The following DAAM1 variants were observed in gnomAD, a reference collection of about 807,000 sequenced individuals.
DAAM1 encodes the protein disheveled-associated activator of morphogenesis 1.
A neutral mutation model predicts 130.0 loss-of-function variants in DAAM1; 52 were observed. That is an observed-to-expected ratio of 0.40 (90% CI 0.32 to 0.50). The LOEUF (loss-of-function observed/expected upper bound fraction) is 0.50. Among genes scored for constraint, DAAM1 ranks in the 20% least tolerant of loss-of-function variants. The pLI is 0.61. For synonymous variants in DAAM1, 452 were observed against 444.5 expected, an observed-to-expected ratio of 1.02 and a Z score of -0.21; for missense variants, 1,134 against 1,303.8, an observed-to-expected ratio of 0.87 and a Z score of 2.01.
At chr14:59,338,445 A>G (rs1326377902) in intron 15 of DAAM1, 2 of 1,611,250 alleles carry the variant, frequency 1.2e-6, no homozygotes, top group Non-Finnish European at 1.7e-6. Context: ...AGCTTGCTTA[A>G]TATAACTCCT....
At chr14:59,239,097 T>G (rs537840583) in intron 1 of DAAM1, among the ~76,000 whole-genome samples, 1 of 152,310 alleles carries the variant, frequency 6.6e-6, no homozygotes, top group South Asian at 2.1e-4. Context: ...TGCCTGTGCC[T>G]CTCTCTTTTT....
intron 3 of DAAM1, among the ~76,000 whole-genome samples, chr14:59,313,284 T>C (rs1171375453): frequency 6.6e-6 from 1 of 152,216 alleles, no homozygotes; most frequent in African/African-American, 2.4e-5. Context: ...AATTAAGAAC[T>C]CTGAGGATCA....
chr14:59,214,605 T>G (rs574785763), intron 1 of DAAM1, among the ~76,000 whole-genome samples: 6 of 152,362 alleles, frequency 3.9e-5, no homozygotes, highest in African/African-American at 1.2e-4. Flanking sequence ...ATGTAATATG[T>G]GGTCTTTTTT....
chr14:59,326,910 A>G (rs1885224233), intron 11 of DAAM1, 23 bp from the exon 12 acceptor site: 4 of 1,613,006 alleles, frequency 2.5e-6, no homozygotes, highest in Non-Finnish European at 3.4e-6. Context: ...TTTGTAATAA[A>G]TGCTCCTTGA....
At chr14:59,210,159 A>G (rs1888384775) in intron 1 of DAAM1, among the ~76,000 whole-genome samples, 1 of 152,092 alleles carries the variant, frequency 6.6e-6, no homozygotes, top group Non-Finnish European at 1.5e-5. Flanking sequence ...AACAAACAAA[A>G]AAACCAACCA....
At chr14:59,251,774 A>ACATCCATT (rs1164792642) in intron 1 of DAAM1, among the ~76,000 whole-genome samples, 3 of 152,134 alleles carry the variant, frequency 2.0e-5, no homozygotes, top group African/African-American at 7.2e-5. Flanking sequence ...CCTCTTTTGA[A>ACATCCATT]CATCCATTAT....
chr14:59,367,158 T>G (rs546421317), intron 23 of DAAM1, among the ~76,000 whole-genome samples: 68 of 152,110 alleles, frequency 4.5e-4, no homozygotes, highest in Non-Finnish European at 8.2e-4. Context: ...CATGGTGGTT[T>G]GTGCCTGTAA....
At chr14:59,309,188 A>G (rs767957847) in intron 3 of DAAM1, among the ~76,000 whole-genome samples, 94 of 152,178 alleles carry the variant, frequency 6.2e-4, no homozygotes, top group Non-Finnish European at 1.3e-3. Flanking sequence ...TTTGCCCCCA[A>G]AAAGGAAGAG....
chr14:59,333,255 T>C (rs752833702), intron 15 of DAAM1, among the ~76,000 whole-genome samples: 4 of 152,086 alleles, frequency 2.6e-5, no homozygotes, highest in South Asian at 2.1e-4. Context: ...CATAGTGACA[T>C]GAACCCTTAA....
At chr14:59,345,210 T>G (rs1394846220) in intron 16 of DAAM1, among the ~76,000 whole-genome samples, 1 of 152,186 alleles carries the variant, frequency 6.6e-6, no homozygotes, top group Admixed American at 6.5e-5. Flanking sequence ...TTAGCTAAAT[T>G]GTTCCATTTA....
Position 59,320,594 on chromosome 14 carries a change from C to G in DAAM1, c.440+10C>G. 1 of 1,526,438 alleles carries G rather than the reference C, an allele frequency of 6.6e-7. No individual in the cohort carries two copies. The highest frequency in any genetic ancestry group is 2.4e-5 in the East Asian group (1 of 41,896). 94.6% of individuals were successfully genotyped at this position (1,526,438 alleles called of 1,614,324 possible). The stretch of plus-strand genomic sequence containing the variant: ...GGACAAAACCAATGAGGTAATTTTC[C>G]CCTGGATGGCATGTTTTTTTTTTTT... On this transcript the variant is annotated intron_variant, in intron 5 of 24. Transcript: ENST00000360909.
intron 24 of DAAM1, among the ~76,000 whole-genome samples, chr14:59,367,924 A>G (rs1445279531): frequency 2.0e-5 from 3 of 152,184 alleles, no homozygotes; most frequent in Non-Finnish European, 2.9e-5. Context: ...CTAAATGTTT[A>G]CCAAAAGGGG....
At chr14:59,244,939 G>T (rs1196256550) in intron 1 of DAAM1, among the ~76,000 whole-genome samples, 1 of 152,166 alleles carries the variant, frequency 6.6e-6, no homozygotes, top group Non-Finnish European at 1.5e-5. Flanking sequence ...AGCTCTGCTT[G>T]CTGGTGATGA....
In DAAM1 at chr14:59,320,854, G is replaced by A. The variant is rs113443271; in HGVS notation, c.440+270G>A. Among the ~76,000 whole-genome samples the A allele has an allele frequency of 7.4e-3, 1,130 of 152,210 alleles. 11 individuals carry two copies. The highest frequency in any genetic ancestry group is 0.025 in the African/African-American group (1,039 of 41,552). On this transcript the variant is annotated intron_variant, in intron 5 of 24. Transcript: ENST00000360909. ...AGAAAAATTGGGACCCTCATTCATTGCTGCTAGGAATGTAAAATTGTGAAG... is the reference window on the plus strand; with the variant it reads ...AGAAAAATTGGGACCCTCATTCATTACTGCTAGGAATGTAAAATTGTGAAG...
At chr14:59,258,145 GTGTT>G (rs1345734336) in intron 1 of DAAM1, among the ~76,000 whole-genome samples, 12 of 152,346 alleles carry the variant, frequency 7.9e-5, no homozygotes, top group South Asian at 6.2e-4. Flanking sequence ...GCCCAGCACA[GTGTT>G]TGGAATATTT....
At chr14:59,198,731 G>A (rs905211556) in intron 1 of DAAM1, among the ~76,000 whole-genome samples, 2 of 152,190 alleles carry the variant, frequency 1.3e-5, no homozygotes, top group Non-Finnish European at 2.9e-5. Context: ...CTTCTGTTTG[G>A]TAGAGTGTTT....
chr14:59,367,980 A>AT (rs1253528580), intron 24 of DAAM1, among the ~76,000 whole-genome samples: 11 of 152,202 alleles, frequency 7.2e-5, no homozygotes, highest in African/African-American at 2.7e-4. Context: ...ATATTTATGC[A>AT]GTCCTTGAAA....
At position 59,326,036 on chromosome 14, in the gene DAAM1, C is replaced by T; in HGVS notation, c.1133C>T (p.Pro378Leu). Residue 378 changes from proline (P) to leucine (L), a missense_variant, in exon 10 of 25, where the codon CCG becomes CTG. Transcript: ENST00000360909. ...AGGCTGACACATAGTGAAGCTTACC[C>T]GCATTTCATGTCCATCCTGCACCAC... ...RKRLTHSEAY[P>L]HFMSILHHCL... The T allele has an allele frequency of 6.8e-6, 11 of 1,614,176 alleles. No homozygotes were observed. The highest frequency in any genetic ancestry group is 1.1e-5 in the South Asian group (1 of 91,084).
chr14:59,264,506 AT>A (rs1033254675), intron 2 of DAAM1: 4 of 152,242 alleles, frequency 2.6e-5, no homozygotes, highest in Non-Finnish European at 5.9e-5. Context: ...TAGGTTTGAT[AT>A]AATGTTTCAG....
Sources: gnomAD v4.1 joint callset for allele counts (sites outside exome capture counted in the v4.1 genomes callset) on GRCh38, gnomAD v4.1.1 for gene constraint, MANE v1.5 for transcripts, NCBI Gene and HGNC (gene_info 2026-07-23, HGNC 2026-07-21) for gene names.